Variants in BRINP1 observed in about 807,000 individuals in gnomAD.
BRINP1 encodes BMP/retinoic acid-inducible neural-specific protein 1.
Under a neutral mutation model 72.9 loss-of-function variants are expected in BRINP1, and 17 were observed. That is an observed-to-expected ratio of 0.23 (90% CI 0.16 to 0.35). The LOEUF is 0.35. Among genes scored for constraint, BRINP1 ranks in the 10% least tolerant of loss-of-function variants. BRINP1 has a pLI of 1.00. For synonymous variants in BRINP1, 418 were observed against 378.5 expected, an observed-to-expected ratio of 1.10 and a Z score of -1.21; for missense variants, 850 against 1,001.6, an observed-to-expected ratio of 0.85 and a Z score of 2.04.
At chr9:119,202,011 A>G (rs1158131784) in intron 7 of BRINP1, among the ~76,000 whole-genome samples, 3 of 151,684 alleles carry the variant, frequency 2.0e-5, no homozygotes, top group African/African-American at 7.3e-5. Context: ...CCACTATGCA[A>G]TGCAGTTTTT....
intron 1 of BRINP1, among the ~76,000 whole-genome samples, chr9:119,321,492 A>T (rs913431571): frequency 6.6e-6 from 1 of 151,946 alleles, no homozygotes; most frequent in African/African-American, 2.4e-5. Flanking sequence ...TTTTTTATTT[A>T]TTTATTTTTT....
intron 7 of BRINP1, among the ~76,000 whole-genome samples, chr9:119,206,007 C>G (rs1008629979): frequency 1.3e-5 from 2 of 152,086 alleles, no homozygotes; most frequent in African/African-American, 4.8e-5. Flanking sequence ...AAGTCCTAGC[C>G]CCCAGGATCT....
At chr9:119,295,671 T>C (rs536381577) in intron 2 of BRINP1, among the ~76,000 whole-genome samples, 1 of 142,252 alleles carries the variant, frequency 7.0e-6, no homozygotes, top group East Asian at 2.1e-4. Context: ...AACAGTATGG[T>C]ACTGGCATAA....
chr9:119,267,636 CAATAAATAAATAAATAAATA>C (rs139819911), intron 2 of BRINP1, among the ~76,000 whole-genome samples: 5 of 145,060 alleles, frequency 3.4e-5, no homozygotes, highest in African/African-American at 1.3e-4. Context: ...AACTCCATCT[CAATAAATAAATAAATAAATA>C]AATAAATAAA....
At chr9:119,352,532 T>C (rs988084331) in intron 1 of BRINP1, among the ~76,000 whole-genome samples, 20 of 152,164 alleles carry the variant, frequency 1.3e-4, no homozygotes, top group African/African-American at 4.8e-4. Context: ...CTCAGCTTCC[T>C]GAGTAGCTGG....
At chr9:119,200,621 C>A in intron 7 of BRINP1, among the ~76,000 whole-genome samples, 1 of 121,624 alleles carries the variant, frequency 8.2e-6, no homozygotes, top group African/African-American at 3.4e-5. Flanking sequence ...AGGACTCTGC[C>A]TCAAGAAAAA....
intron 1 of BRINP1, among the ~76,000 whole-genome samples, chr9:119,324,405 T>C (rs1831218534): frequency 6.6e-6 from 1 of 152,184 alleles, no homozygotes; most frequent in Non-Finnish European, 1.5e-5. Flanking sequence ...ATATGGAGTT[T>C]AGGATTCTAT....
At chr9:119,198,297 G>A (rs1360121268) in intron 7 of BRINP1, among the ~76,000 whole-genome samples, 1 of 152,102 alleles carries the variant, frequency 6.6e-6, no homozygotes, top group Non-Finnish European at 1.5e-5. Flanking sequence ...CCAACAAAGA[G>A]CCCCATGCTT....
chr9:119,301,307 T>G (rs1830936405), intron 2 of BRINP1, among the ~76,000 whole-genome samples: 1 of 152,250 alleles, frequency 6.6e-6, no homozygotes, highest in African/African-American at 2.4e-5. Flanking sequence ...AGTGGATTTA[T>G]TACTTAAGGT....
chr9:119,362,766 A>T (rs529807565), intron 1 of BRINP1, among the ~76,000 whole-genome samples: 1 of 152,246 alleles, frequency 6.6e-6, no homozygotes, highest in African/African-American at 2.4e-5. Context: ...TGGCATTCAG[A>T]GTAGGAGTAG....
chr9:119,302,230 G>A (rs996117208), intron 2 of BRINP1, among the ~76,000 whole-genome samples: 1 of 152,202 alleles, frequency 6.6e-6, no homozygotes, highest in Non-Finnish European at 1.5e-5. Context: ...TGTGTGTGAA[G>A]CTGGGTTTCT....
chr9:119,220,837 C>T (rs1467640782), intron 5 of BRINP1, among the ~76,000 whole-genome samples: 1 of 152,054 alleles, frequency 6.6e-6, no homozygotes, highest in Non-Finnish European at 1.5e-5. Flanking sequence ...GAAACATGAG[C>T]ATGGTCTGAA....
At chr9:119,258,621 G>C (rs1412134641) in intron 2 of BRINP1, among the ~76,000 whole-genome samples, 2 of 152,262 alleles carry the variant, frequency 1.3e-5, no homozygotes, top group East Asian at 1.9e-4. Flanking sequence ...GAGGCCCATA[G>C]AGAGAGAGGG....
intron 1 of BRINP1, among the ~76,000 whole-genome samples, chr9:119,340,456 C>T (rs997867188): frequency 6.6e-6 from 1 of 152,050 alleles, no homozygotes; most frequent in Non-Finnish European, 1.5e-5. Flanking sequence ...GTGAGTCCCA[C>T]CCCCAGGATG....
chr9:119,352,600 G>T (rs1345527315), intron 1 of BRINP1, among the ~76,000 whole-genome samples: 1 of 152,090 alleles, frequency 6.6e-6, no homozygotes, highest in Non-Finnish European at 1.5e-5. Flanking sequence ...TAAAGATGGG[G>T]TTTCACCATG....
chr9:119,346,862 G>T (rs1386661386), intron 1 of BRINP1, among the ~76,000 whole-genome samples: 1 of 152,154 alleles, frequency 6.6e-6, no homozygotes. Flanking sequence ...TTCACGTTGG[G>T]GTTCTGCCTG....
At chr9:119,241,038 T>G (rs1348184537) in intron 4 of BRINP1, among the ~76,000 whole-genome samples, 1 of 152,232 alleles carries the variant, frequency 6.6e-6, no homozygotes, top group African/African-American at 2.4e-5. Context: ...TTATAGAGGC[T>G]GTCTGAATTT....
At chr9:119,332,619 C>T (rs1831310669) in intron 1 of BRINP1, among the ~76,000 whole-genome samples, 1 of 152,200 alleles carries the variant, frequency 6.6e-6, no homozygotes, top group African/African-American at 2.4e-5. Flanking sequence ...TGTGCTCCTG[C>T]TACTGTCACA....
At chr9:119,222,149 A>G (rs1830047142) in intron 5 of BRINP1, among the ~76,000 whole-genome samples, 3 of 152,124 alleles carry the variant, frequency 2.0e-5, no homozygotes. Flanking sequence ...CAAGTCCAAC[A>G]ATGTTCCAGA....
Sources: allele counts gnomAD v4.1 joint callset (sites outside exome capture counted in the v4.1 genomes callset), GRCh38; gene constraint gnomAD v4.1.1; transcripts MANE v1.5; gene names NCBI Gene and HGNC (gene_info 2026-07-23, HGNC 2026-07-21).